The following FOXP4 variants were observed in gnomAD, a reference collection of about 807,000 sequenced individuals.
The protein encoded by FOXP4 is forkhead box protein P4.
A neutral mutation model predicts 82.6 loss-of-function variants in FOXP4; 25 were observed. The ratio of observed to expected loss-of-function variants is 0.30; its 90% confidence interval spans 0.22 to 0.42. FOXP4 has a LOEUF of 0.42. Among genes scored for constraint, FOXP4 ranks in the 10% least tolerant of loss-of-function variants. The probability of loss-of-function intolerance (pLI) is 1.00; values close to 1 mark genes in which losing one functional copy is unlikely to be tolerated. For missense variants in FOXP4, 785 were observed against 900.9 expected (o/e 0.87, Z 1.65); for synonymous variants, 415 against 388.2 (o/e 1.07, Z -0.81).
chr6:41,585,513 AAG>A lies in FOXP4; in HGVS notation c.509_510del (p.Glu170GlyfsTer145). ...CAGCAGGCTGGGAAACCGCAGCCCA[AAG>A]AGGTAAGGGGCTGTACCAGGGCCCA... On this transcript the variant is annotated frameshift_variant and splice_region_variant, in exon 5 of 17. Coordinates refer to ENST00000307972, the MANE Select transcript of FOXP4 (RefSeq NM_001012426.2). LOFTEE classifies it high-confidence loss of function. 1 of 1,613,686 alleles carries A rather than the reference AAG, an allele frequency of 6.2e-7. No individual in the cohort carries two copies. The highest frequency in any genetic ancestry group is 8.5e-7 in the Non-Finnish European group (1 of 1,179,838).
At position 41,587,971 on chromosome 6, in the gene FOXP4, T is replaced by A; in HGVS notation, c.977+74T>A. On this transcript the variant is annotated intron_variant, in intron 8 of 16. Transcript: ENST00000307972. ...CTCTCCCCCAACCCTGCCCACTAGC[T>A]TGCCCCTTCTGGGAGCCCTCCTCAC... 3.9e-6 allele frequency: 3 copies of A among 764,962 alleles called. No individual in the cohort carries two copies. In the Admixed American group the frequency reaches 6.4e-5, roughly 16 times the overall value. 47.4% of individuals were successfully genotyped at this position (764,962 alleles called of 1,614,324 possible).
chr6:41,553,979 T>C (rs1764142162), intron 1 of FOXP4, among the ~76,000 whole-genome samples: 1 of 152,176 alleles, frequency 6.6e-6, no homozygotes, highest in Non-Finnish European at 1.5e-5. Flanking sequence ...GAAGTTCTAA[T>C]AGGACATCCC....
At chr6:41,581,620 G>C (rs1189557815) in intron 3 of FOXP4, among the ~76,000 whole-genome samples, 2 of 152,234 alleles carry the variant, frequency 1.3e-5, no homozygotes, top group African/African-American at 4.8e-5. Context: ...TCAGTTCTCA[G>C]ACCCCCAAGG....
At chr6:41,549,692 C>T (rs957132086) in intron 1 of FOXP4, among the ~76,000 whole-genome samples, 9 of 143,858 alleles carry the variant, frequency 6.3e-5, no homozygotes, top group African/African-American at 2.4e-4. Context: ...GCTGTCTGGA[C>T]CTCAGATTGT....
chr6:41,553,195 C>T (rs911469372), intron 1 of FOXP4, among the ~76,000 whole-genome samples: 2 of 152,200 alleles, frequency 1.3e-5, no homozygotes, highest in African/African-American at 2.4e-5. Context: ...GCAGTGGAGC[C>T]TGATTAAAAG....
rs1581801997 is a variant in FOXP4, at chr6:41,600,115, A to C, written c.*1179A>C. 1 of 149,632 alleles carries C rather than the reference A, an allele frequency of 6.7e-6. No homozygotes were observed. The allele number at this position is 149,632 out of a possible 1,614,324, so 9.3% of individuals were successfully genotyped here. A position where few individuals can be genotyped will look rare whatever the true frequency, so the allele number is the denominator to read the frequency against. On this transcript the variant is annotated 3_prime_UTR_variant, in exon 17 of 17. Coordinates refer to ENST00000307972, the MANE Select transcript of FOXP4 (RefSeq NM_001012426.2). ...TTGGTGGCCAAGACCTTCTCTCTCC[A>C]CCCCTCCTCCATCCACCCTGAGGAC...
chr6:41,569,522 A>G (rs1765063933), intron 2 of FOXP4, among the ~76,000 whole-genome samples: 1 of 151,950 alleles, frequency 6.6e-6, no homozygotes, highest in Non-Finnish European at 1.5e-5. Flanking sequence ...TACCCTTAGG[A>G]CTCTCTCTGA....
chr6:41,564,396 G>A lies in FOXP4; in HGVS notation c.-16-1349G>A, dbSNP rs184560447. Among the ~76,000 whole-genome samples the A allele has an allele frequency of 4.9e-3, 740 of 152,226 alleles. 5 individuals carry two copies. Among genetic ancestry groups the A allele is most frequent in the Non-Finnish European group, 8.2e-3 (560 of 68,010 alleles). On this transcript the variant is annotated intron_variant, in intron 1 of 16. Transcript: ENST00000307972. The stretch of plus-strand genomic sequence containing the variant: ...ATTGTGCCACTGCACTCTGGCCTGG[G>A]TGACAGAGCGAGACTCTGTCTCAAA...
rs1764421311 is a variant in FOXP4 at position 41,558,893 on chromosome 6, TAGAG to T, written c.-16-6850_-16-6847del. Among the ~76,000 whole-genome samples the T allele has an allele frequency of 6.6e-6, 1 of 152,132 alleles. No individual in the cohort carries two copies. Among genetic ancestry groups the T allele is most frequent in the South Asian group, 2.1e-4 (1 of 4,834 alleles). ...AGCAGGATAGCTAGAAACAAACAAA[TAGAG>T]AAAGAAGGAACTAGAAGACATCCTT... On this transcript the variant is annotated intron_variant, in intron 1 of 16. Coordinates refer to ENST00000307972, the MANE Select transcript of FOXP4 (RefSeq NM_001012426.2). This position sits in a 1 kb window ranked among gnomAD's most constrained non-coding sequence, Gnocchi z 4.0.
chr6:41,576,035 C>T (rs74746314), intron 2 of FOXP4, among the ~76,000 whole-genome samples: 2,377 of 151,122 alleles, frequency 0.016, 75 homozygotes, highest in African/African-American at 0.055. Context: ...ACTCCCTGCC[C>T]TTCCTCACCC....
chr6:41,571,544 G>A (rs892362294), intron 2 of FOXP4, among the ~76,000 whole-genome samples: 2 of 152,160 alleles, frequency 1.3e-5, no homozygotes, highest in African/African-American at 2.4e-5. Context: ...GATGTGAGTC[G>A]TCTCCCACCC....
intron 2 of FOXP4, among the ~76,000 whole-genome samples, chr6:41,575,320 G>A (rs1044197329): frequency 2.0e-5 from 3 of 152,166 alleles, no homozygotes; most frequent in East Asian, 3.9e-4. Context: ...GTGAGCCCTG[G>A]GGGGGCAGAG....
rs572859352 is a variant in FOXP4, at chr6:41,591,178, G to A, written c.1435-43G>A. ...AGGGAACCCAGGGCTGTGACCCTTC[G>A]AGGCCCAGGCTGACGGTCCCTTTGC... On this transcript the variant is annotated intron_variant, in intron 12 of 16. Coordinates refer to ENST00000307972, the MANE Select transcript of FOXP4 (RefSeq NM_001012426.2). The surrounding 1 kb of genome is among the most constrained non-coding windows in gnomAD (Gnocchi z 4.2). 6.5e-6 allele frequency: 10 copies of A among 1,542,702 alleles called. No individual in the cohort carries two copies. The highest frequency in any genetic ancestry group is 3.7e-5 in the Admixed American group (2 of 54,040).
chr6:41,592,568 A>G (rs1455453141), intron 13 of FOXP4, among the ~76,000 whole-genome samples: 4 of 152,172 alleles, frequency 2.6e-5, no homozygotes, highest in Non-Finnish European at 5.9e-5. Context: ...CTACAAACAT[A>G]AGGGATGATT....
intron 2 of FOXP4, among the ~76,000 whole-genome samples, chr6:41,567,105 C>T (rs747335839): frequency 6.6e-5 from 10 of 152,204 alleles, no homozygotes; most frequent in South Asian, 4.1e-4. Flanking sequence ...GGTCAGCCAG[C>T]GCTAAAGCAG....
At chr6:41,548,791 C>A (rs1763821741) in intron 1 of FOXP4, among the ~76,000 whole-genome samples, 1 of 151,892 alleles carries the variant, frequency 6.6e-6, no homozygotes, top group African/African-American at 2.4e-5. Context: ...CTGCCCGCCC[C>A]CGCGGAAAAC....
At chr6:41,577,927 TA>T in intron 2 of FOXP4, 58 bp from the exon 3 acceptor site, 1 of 1,324,326 alleles carries the variant, frequency 7.6e-7, no homozygotes, top group Non-Finnish European at 1.1e-6. Context: ...AAACACTCCC[TA>T]ATCCCTGGAT....
intron 2 of FOXP4, among the ~76,000 whole-genome samples, chr6:41,574,162 C>T (rs1765347859): frequency 6.6e-6 from 1 of 152,156 alleles, no homozygotes; most frequent in African/African-American, 2.4e-5. Flanking sequence ...TCTTGGTCTT[C>T]TTCCTCCACC....
chr6:41,588,389 G>A (rs1048158956), intron 8 of FOXP4, among the ~76,000 whole-genome samples: 3 of 152,190 alleles, frequency 2.0e-5, no homozygotes, highest in African/African-American at 4.8e-5. Flanking sequence ...TTCACGCTTC[G>A]TCAGAGGTTT....
Sources: allele counts gnomAD v4.1 joint callset (sites outside exome capture counted in the v4.1 genomes callset), GRCh38; gene constraint gnomAD v4.1.1; non-coding constraint Gnocchi (gnomAD v3.1); transcripts MANE v1.5; gene names NCBI Gene and HGNC (gene_info 2026-07-23, HGNC 2026-07-21).